The following PTPRK variants were observed in gnomAD, a reference collection of about 807,000 sequenced individuals.
The protein encoded by PTPRK is protein tyrosine phosphatase receptor type K, also known as receptor-type tyrosine-protein phosphatase kappa.
PTPRK carries 75 observed loss-of-function variants against 178.0 expected under a neutral mutation model. That is an observed-to-expected ratio of 0.42 (90% CI 0.35 to 0.51). The LOEUF (loss-of-function observed/expected upper bound fraction) is 0.51, where lower values mean the gene tolerates loss of function less well. PTPRK is among the 20% of genes least tolerant of loss of function. The pLI, the probability that PTPRK is intolerant of heterozygous loss-of-function variation, is 0.02. For synonymous variants in PTPRK, 637 were observed against 620.6 expected (o/e 1.03, Z -0.39); for missense variants, 1,441 against 1,797.8 (o/e 0.80, Z 3.59).
At position 128,291,677 on chromosome 6, in the gene PTPRK, T is replaced by C. The variant is rs530097485; in HGVS notation, c.495+30362A>G. On this transcript the variant is annotated intron_variant, in intron 3 of 29. Coordinates refer to ENST00000368226, the MANE Select transcript of PTPRK (RefSeq NM_002844.4). ...ATGAGCAATCTCTTCAGGAGTACTA[T>C]ACCCTTTCTCAACTGGGATCACCTC... Among the ~76,000 whole-genome samples, 6 of 152,234 alleles carry C rather than the reference T, an allele frequency of 3.9e-5. No homozygotes were observed. In the South Asian group the frequency reaches 1.2e-3, roughly 32 times the overall value.
chr6:128,138,979 A>G (rs1444708973), intron 7 of PTPRK, among the ~76,000 whole-genome samples: 3 of 152,132 alleles, frequency 2.0e-5, no homozygotes, highest in African/African-American at 7.2e-5. Flanking sequence ...TATGGTGTAT[A>G]GGCAATTAAG....
chr6:128,307,471 A>AG (rs202023172), intron 3 of PTPRK, among the ~76,000 whole-genome samples: 1,880 of 148,224 alleles, frequency 0.013, 41 homozygotes, highest in African/African-American at 0.045. Flanking sequence ...TAAAAAAAAA[A>AG]AAAATCAAAA....
intron 1 of PTPRK, among the ~76,000 whole-genome samples, chr6:128,404,229 T>C (rs1274901990): frequency 6.6e-6 from 1 of 152,202 alleles, no homozygotes; most frequent in Non-Finnish European, 1.5e-5. Context: ...GTGCTACATC[T>C]GAAACCAAAT....
chr6:128,272,416 C>G (rs975766853), intron 3 of PTPRK, among the ~76,000 whole-genome samples: 1 of 152,128 alleles, frequency 6.6e-6, no homozygotes, highest in Non-Finnish European at 1.5e-5. Context: ...TCAGAGTGAA[C>G]AGGCAACTTA....
intron 5 of PTPRK, among the ~76,000 whole-genome samples, chr6:128,225,426 G>A (rs970467057): frequency 5.3e-5 from 8 of 152,104 alleles, no homozygotes; most frequent in East Asian, 3.8e-4. Context: ...TGAGGCTGAC[G>A]TGAAATTTAC....
At chr6:128,307,902 T>C (rs931045559) in intron 3 of PTPRK, among the ~76,000 whole-genome samples, 1 of 149,584 alleles carries the variant, frequency 6.7e-6, no homozygotes, top group South Asian at 2.1e-4. Flanking sequence ...AGTCAACAAG[T>C]TGAATACATA....
intron 7 of PTPRK, among the ~76,000 whole-genome samples, chr6:128,151,925 G>C: frequency 6.6e-6 from 1 of 151,338 alleles, no homozygotes; most frequent in Admixed American, 6.6e-5. Flanking sequence ...TTTTTTTCTT[G>C]ATGAGATTTA....
At chr6:128,113,103 T>C (rs1790935834) in intron 7 of PTPRK, among the ~76,000 whole-genome samples, 1 of 152,072 alleles carries the variant, frequency 6.6e-6, no homozygotes, top group Non-Finnish European at 1.5e-5. Flanking sequence ...AGGAATGACA[T>C]AGCCTCCTAA....
intron 2 of PTPRK, among the ~76,000 whole-genome samples, chr6:128,355,363 T>C (rs1201280172): frequency 6.6e-6 from 1 of 152,242 alleles, no homozygotes; most frequent in Non-Finnish European, 1.5e-5. Flanking sequence ...TAAAAATACT[T>C]AAGATTTGAC....
rs773252542 is a variant in PTPRK at position 128,242,568 on chromosome 6, C to A, written c.530G>T (p.Ser177Ile). The A allele has an allele frequency of 4.2e-5, 67 of 1,613,052 alleles. No individual in the cohort carries two copies. The Middle Eastern group carries it at 8.3e-4, about 20-fold the overall frequency. Residue 177 changes from serine (S) to isoleucine (I), a missense_variant, in exon 4 of 30, where the codon AGT (serine) becomes ATT (isoleucine). Ser to Ile is a moderately radical substitution (Grantham distance 142). Coordinates refer to ENST00000368226, the MANE Select transcript of PTPRK (RefSeq NM_002844.4). ...GATGTCATCAATGGCAATATAACCA[C>A]TTCTCCCTCCTGAGACTTCAGCTTC... Reference protein sequence around the residue: ...IFEAEVSGGRSGYIAIDDIQV... With the variant: ...IFEAEVSGGRIGYIAIDDIQV...
At chr6:128,204,309 C>T (rs1806521533) in intron 6 of PTPRK, among the ~76,000 whole-genome samples, 1 of 152,068 alleles carries the variant, frequency 6.6e-6, no homozygotes, top group Non-Finnish European at 1.5e-5. Flanking sequence ...AAACTCAAAA[C>T]TATAAAAAGC....
chr6:128,299,251 C>A (rs1332641313), intron 3 of PTPRK, among the ~76,000 whole-genome samples: 1 of 151,520 alleles, frequency 6.6e-6, no homozygotes, highest in Non-Finnish European at 1.5e-5. Context: ...ACATTCCATG[C>A]TCATGGGTAG....
chr6:128,272,005 T>C (rs1368422654), intron 3 of PTPRK, among the ~76,000 whole-genome samples: 1 of 152,008 alleles, frequency 6.6e-6, no homozygotes, highest in Non-Finnish European at 1.5e-5. Context: ...GCATGACTGA[T>C]TGTAACAGAT....
intron 1 of PTPRK, among the ~76,000 whole-genome samples, chr6:128,421,041 T>C (rs553222147): frequency 1.3e-5 from 2 of 152,322 alleles, no homozygotes; most frequent in East Asian, 3.9e-4. Context: ...CATTAGCTTC[T>C]AGTTGCTTAT....
At chr6:127,995,932 T>G (rs1393270898) in intron 17 of PTPRK, among the ~76,000 whole-genome samples, 1 of 152,142 alleles carries the variant, frequency 6.6e-6, no homozygotes, top group East Asian at 1.9e-4. Context: ...AAAAAGTGAA[T>G]TTTGAATTCC....
At chr6:128,085,723 T>G (rs531754315) in intron 8 of PTPRK, among the ~76,000 whole-genome samples, 1 of 152,340 alleles carries the variant, frequency 6.6e-6, no homozygotes, top group East Asian at 1.9e-4. Context: ...GCTCTTACAG[T>G]TTTTCTGTTT....
At chr6:128,169,558 C>G (rs1325082731) in intron 7 of PTPRK, among the ~76,000 whole-genome samples, 1 of 151,894 alleles carries the variant, frequency 6.6e-6, no homozygotes, top group Admixed American at 6.6e-5. Flanking sequence ...ACAATTATTT[C>G]CTGATCTCCA....
intron 7 of PTPRK, among the ~76,000 whole-genome samples, chr6:128,146,049 C>T (rs1310884423): frequency 6.6e-6 from 1 of 152,106 alleles, no homozygotes; most frequent in East Asian, 1.9e-4. Context: ...GTGTAGTACC[C>T]TAGACAGCTA....
chr6:128,081,558 T>C lies in PTPRK; in HGVS notation c.1777+879A>G, dbSNP rs552152166. Among the ~76,000 whole-genome samples, 9 of 152,052 alleles carry C rather than the reference T, an allele frequency of 5.9e-5. No homozygotes were observed. The South Asian group carries it at 1.7e-3, about 28-fold the overall frequency. ...GGGTATTAATGATGTATCATTAATA[T>C]TTGCCATGTGGAACTATAATAAAAA... is the stretch of plus-strand genomic sequence containing the variant. On this transcript the variant is annotated intron_variant, in intron 10 of 29. Transcript: ENST00000368226.
Sources: gnomAD v4.1 joint callset for allele counts (sites outside exome capture counted in the v4.1 genomes callset) on GRCh38, gnomAD v4.1.1 for gene constraint, MANE v1.5 for transcripts, NCBI Gene and HGNC (gene_info 2026-07-23, HGNC 2026-07-21) for gene names.